MAF: variants seen among roughly 807,000 people sequenced by gnomAD.
The protein encoded by MAF is transcription factor Maf.
A neutral mutation model predicts 22.0 loss-of-function variants in MAF; 10 were observed. The ratio of observed to expected loss-of-function variants is 0.45; its 90% CI spans 0.28 to 0.77. The LOEUF (loss-of-function observed/expected upper bound fraction) is 0.77, where lower values mean the gene tolerates loss of function less well. MAF is among the 30% of genes least tolerant of loss of function. The pLI is 0.12. For synonymous variants in MAF, 337 were observed against 255.8 expected (o/e 1.32, Z -3.03); for missense variants, 544 against 548.4 (o/e 0.99, Z 0.08).
chr16:79,481,623 TCCATCTAC>T, the MAF span, among the ~76,000 whole-genome samples: 2 of 152,066 alleles, frequency 1.3e-5, no homozygotes, highest in Non-Finnish European at 2.9e-5. Context: ...CACCCATCCA[TCCATCTAC>T]CCATCCACCC....
the MAF span, among the ~76,000 whole-genome samples, chr16:79,520,833 G>C: frequency 1.3e-5 from 2 of 152,096 alleles, no homozygotes; most frequent in Admixed American, 1.3e-4. Flanking sequence ...ATGAACATTG[G>C]CATTGGCAAG....
At chr16:79,544,651 G>A in the MAF span, among the ~76,000 whole-genome samples, 1 of 151,544 alleles carries the variant, frequency 6.6e-6, no homozygotes, top group East Asian at 1.9e-4. Flanking sequence ...GCAGGTACCT[G>A]TAGTCCCAGC....
chr16:79,332,796 CT>C, the MAF span, among the ~76,000 whole-genome samples: 1 of 152,196 alleles, frequency 6.6e-6, no homozygotes, highest in Non-Finnish European at 1.5e-5. Context: ...TGAAGTTAGG[CT>C]TTGAGGGTGA....
the MAF span, among the ~76,000 whole-genome samples, chr16:79,440,459 C>T: frequency 5.9e-5 from 9 of 152,234 alleles, no homozygotes; most frequent in East Asian, 3.9e-4. Context: ...CCTTTTGGGA[C>T]GGAGTCTCGT....
the MAF span, among the ~76,000 whole-genome samples, chr16:79,579,929 C>G: frequency 6.6e-6 from 1 of 152,154 alleles, no homozygotes; most frequent in East Asian, 1.9e-4. Context: ...ACCAGCCCAG[C>G]CTCCTACCAA....
At chr16:79,575,444 C>T in the MAF span, among the ~76,000 whole-genome samples, 6 of 152,294 alleles carry the variant, frequency 3.9e-5, no homozygotes. Context: ...TGAGGACTCA[C>T]TCTTAGCTAC....
the MAF span, among the ~76,000 whole-genome samples, chr16:79,302,406 C>T: frequency 3.9e-5 from 6 of 152,324 alleles, no homozygotes; most frequent in South Asian, 8.3e-4. Context: ...AGTGTGAAAA[C>T]GACTCTTTTC....
At chr16:79,542,251 C>T in the MAF span, among the ~76,000 whole-genome samples, 4 of 152,156 alleles carry the variant, frequency 2.6e-5, no homozygotes, top group East Asian at 3.9e-4. Context: ...GCGAGCTCCA[C>T]GAAGCCTCCG....
chr16:79,465,403 G>C, the MAF span, among the ~76,000 whole-genome samples: 1,426 of 152,212 alleles, frequency 9.4e-3, 29 homozygotes, highest in African/African-American at 0.033. Flanking sequence ...GACAAGACTG[G>C]GCAACATGGC....
the MAF span, among the ~76,000 whole-genome samples, chr16:79,240,610 G>C: frequency 6.7e-6 from 1 of 150,338 alleles, no homozygotes; most frequent in African/African-American, 2.5e-5. Flanking sequence ...GGTGGCTGTG[G>C]GCGCAGCTTC....
chr16:79,562,067 C>T, the MAF span, among the ~76,000 whole-genome samples: 9 of 152,298 alleles, frequency 5.9e-5, no homozygotes, highest in East Asian at 7.7e-4. Flanking sequence ...CGTTCTAACA[C>T]ATTCCTTGCT....
chr16:79,310,041 G>A, the MAF span, among the ~76,000 whole-genome samples: 1 of 152,054 alleles, frequency 6.6e-6, no homozygotes, highest in South Asian at 2.1e-4. Context: ...CAGAACATAT[G>A]GAAAAATATC....
At chr16:79,586,015 T>C (rs923105379) in intron 1 of MAF, 2 of 622,688 alleles carry the variant, frequency 3.2e-6, no homozygotes, top group African/African-American at 3.7e-5. Flanking sequence ...AACAGTATGC[T>C]ACAGGCAGCC....
At chr16:79,257,120 T>A in the MAF span, among the ~76,000 whole-genome samples, 1 of 152,046 alleles carries the variant, frequency 6.6e-6, no homozygotes, top group African/African-American at 2.4e-5. Context: ...GAGGTTGCAG[T>A]GAGCCAAGAT....
chr16:79,568,749 G>T, the MAF span, among the ~76,000 whole-genome samples: 33 of 152,192 alleles, frequency 2.2e-4, no homozygotes, highest in Non-Finnish European at 4.9e-4. Flanking sequence ...AAATTGAGAA[G>T]TAGTAAGTGA....
the MAF span, among the ~76,000 whole-genome samples, chr16:79,286,757 C>T: frequency 1.1e-4 from 17 of 152,158 alleles, no homozygotes; most frequent in South Asian, 2.9e-3. Context: ...CACGTCCACC[C>T]GTTCTCACAT....
At chr16:79,456,282 C>T in the MAF span, among the ~76,000 whole-genome samples, 1 of 152,152 alleles carries the variant, frequency 6.6e-6, no homozygotes, top group African/African-American at 2.4e-5. Flanking sequence ...TATTCCACTC[C>T]ATTCCACTCA....
At chr16:79,374,160 G>A in the MAF span, among the ~76,000 whole-genome samples, 1 of 152,190 alleles carries the variant, frequency 6.6e-6, no homozygotes, top group Non-Finnish European at 1.5e-5. Flanking sequence ...GGCAATCCCG[G>A]TTGGTGCTTA....
the MAF span, among the ~76,000 whole-genome samples, chr16:79,291,167 G>A: frequency 6.6e-6 from 1 of 152,134 alleles, no homozygotes; most frequent in East Asian, 1.9e-4. Context: ...GTCGTCTGCT[G>A]GTCTGCTTCA....
Sources: gnomAD v4.1 joint callset for allele counts (sites outside exome capture counted in the v4.1 genomes callset) on GRCh38, gnomAD v4.1.1 for gene constraint, MANE v1.5 for transcripts, NCBI Gene and HGNC (gene_info 2026-07-23, HGNC 2026-07-21) for gene names.